The following EVA1A variants were observed in gnomAD, a reference collection of about 807,000 sequenced individuals.
EVA1A encodes the protein protein eva-1 homolog A.
A neutral mutation model predicts 9.8 loss-of-function variants in EVA1A; 7 were observed. The ratio of observed to expected loss-of-function variants is 0.71; its 90% confidence interval spans 0.41 to 1.34. EVA1A has a LOEUF of 1.34. Ranked by LOEUF, EVA1A falls within the 40% of genes most tolerant of loss-of-function variation. The pLI is 0.01. For missense variants in EVA1A, 206 were observed against 205.9 expected, an observed-to-expected ratio of 1.00 and a Z score of 0.00; for synonymous variants, 90 against 85.6, an observed-to-expected ratio of 1.05 and a Z score of -0.28.
At chr2:75,552,125 T>A (rs1676545978) in intron 1 of EVA1A, among the ~76,000 whole-genome samples, 1 of 151,938 alleles carries the variant, frequency 6.6e-6, no homozygotes, top group Non-Finnish European at 1.5e-5. Flanking sequence ...AGTTCAAGAC[T>A]GCAGTGAGCT....
intron 1 of EVA1A, among the ~76,000 whole-genome samples, chr2:75,539,133 T>C (rs1676022982): frequency 6.6e-6 from 1 of 152,212 alleles, no homozygotes; most frequent in Admixed American, 6.5e-5. Context: ...AATCTGCACA[T>C]TAAATCTTGA....
At chr2:75,523,362 T>C (rs568951494) in intron 1 of EVA1A, among the ~76,000 whole-genome samples, 4 of 152,288 alleles carry the variant, frequency 2.6e-5, no homozygotes, top group South Asian at 2.1e-4. Flanking sequence ...TTGAGGCCCA[T>C]TGACCTTCCA....
chr2:75,549,549 G>T (rs959469430), intron 1 of EVA1A, among the ~76,000 whole-genome samples: 1 of 152,184 alleles, frequency 6.6e-6, no homozygotes, highest in Non-Finnish European at 1.5e-5. Flanking sequence ...AGGAGAGTGG[G>T]GAGGGGTCCG....
At chr2:75,506,384 C>T (rs1192990244) in intron 3 of EVA1A, among the ~76,000 whole-genome samples, 2 of 152,328 alleles carry the variant, frequency 1.3e-5, no homozygotes, top group East Asian at 3.9e-4. Flanking sequence ...TTGCTATCAT[C>T]TGTGTACAAA....
rs554051708 is a variant in EVA1A at position 75,530,635 on chromosome 2, G to T, written c.-191-8148C>A. Among the ~76,000 whole-genome samples, 11 of 152,138 alleles carry T rather than the reference G, an allele frequency of 7.2e-5. No homozygotes were observed. In the South Asian group the frequency reaches 1.2e-3, roughly 17 times the overall value. On this transcript the variant is annotated intron_variant, in intron 1 of 3. Transcript: ENST00000393913. ...ATAAATGTGATACACCACATAAACA[G>T]AATTAAAAACAGAAATTATATGATC...
rs368017377 is a variant in EVA1A, at chr2:75,555,232, C to T, written c.-192+5448G>A. Among the ~76,000 whole-genome samples, 72 of 151,264 alleles carry T rather than the reference C, an allele frequency of 4.8e-4. 1 individual carries two copies. The highest frequency in any genetic ancestry group is 1.6e-3 in the African/African-American group (67 of 41,138). On this transcript the variant is annotated intron_variant, in intron 1 of 3. Transcript: ENST00000393913. ...GCAATTCCCAGGAAATGTGTGAATC[C>T]TAATAGCTGTTGACCTGCTGGATCA...
At chr2:75,500,795 C>T (rs1674389044) in intron 3 of EVA1A, among the ~76,000 whole-genome samples, 1 of 150,826 alleles carries the variant, frequency 6.6e-6, no homozygotes, top group Non-Finnish European at 1.5e-5. Context: ...GTCATTATGC[C>T]CAATGCCCAG....
At chr2:75,555,525 C>G (rs1392488723) in intron 1 of EVA1A, among the ~76,000 whole-genome samples, 1 of 152,080 alleles carries the variant, frequency 6.6e-6, no homozygotes, top group Non-Finnish European at 1.5e-5. Flanking sequence ...CCACAACCTC[C>G]CAGCTCAGCT....
At chr2:75,561,836 G>C (rs978332780), upstream of EVA1A, among the ~76,000 whole-genome samples, 1 of 152,194 alleles carries the variant, frequency 6.6e-6, no homozygotes, top group Non-Finnish European at 1.5e-5. Context: ...GGAAAGGAGA[G>C]GAGCTCCTAG....
chr2:75,544,976 T>G (rs74386699), intron 1 of EVA1A, among the ~76,000 whole-genome samples: 5,975 of 152,312 alleles, frequency 0.039, 335 homozygotes, highest in African/African-American at 0.13. Flanking sequence ...ACAGTGTTCA[T>G]CCCAAACCCT....
chr2:75,519,445 T>C (rs995715065), intron 2 of EVA1A, among the ~76,000 whole-genome samples: 1 of 152,084 alleles, frequency 6.6e-6, no homozygotes, highest in African/African-American at 2.4e-5. Flanking sequence ...TTCAGCAGGC[T>C]TCAGGAAAGA....
At chr2:75,566,411 G>C (rs545314997) in intron 1 of EVA1A, among the ~76,000 whole-genome samples, 13 of 152,230 alleles carry the variant, frequency 8.5e-5, no homozygotes, top group Admixed American at 1.3e-4. Context: ...AATATGAGAG[G>C]ATGCCAGGAG....
At chr2:75,547,270 C>T (rs1324576662) in intron 1 of EVA1A, among the ~76,000 whole-genome samples, 1 of 152,136 alleles carries the variant, frequency 6.6e-6, no homozygotes, top group Non-Finnish European at 1.5e-5. Context: ...GAGCTTCATG[C>T]CACCCACCGG....
rs763563932 is a variant in EVA1A at position 75,554,571 on chromosome 2, T to C, written c.-192+6109A>G. On this transcript the variant is annotated intron_variant, in intron 1 of 3. Transcript: ENST00000393913. ...GATGATAACAGCTCTCTGGAGACTA[T>C]CTGGAGCGGGATAAAGGGCTCAGAG... Among the ~76,000 whole-genome samples the C allele has an allele frequency of 1.1e-4, 17 of 152,354 alleles. No individual in the cohort carries two copies. The East Asian group carries it at 3.1e-3, about 28-fold the overall frequency.
chr2:75,495,387 G>A (rs143500349), intron 3 of EVA1A, among the ~76,000 whole-genome samples: 49 of 152,274 alleles, frequency 3.2e-4, no homozygotes, highest in African/African-American at 1.1e-3. Flanking sequence ...ATGCTAGGAC[G>A]ATTAGGTAAA....
chr2:75,559,991 C>G lies in EVA1A; in HGVS notation c.-192+689G>C, dbSNP rs1412303431. ...TCTCCTTCCAGGACATCCTCATTTC[C>G]TCCATGTCCCAACGCGCTCCGTACT... On this transcript the variant is annotated intron_variant, in intron 1 of 3. Transcript: ENST00000393913. Among the ~76,000 whole-genome samples the G allele has an allele frequency of 3.9e-5, 6 of 152,296 alleles. No individual in the cohort carries two copies. The East Asian group carries it at 1.2e-3, about 29-fold the overall frequency.
intron 1 of EVA1A, among the ~76,000 whole-genome samples, chr2:75,553,702 T>C (rs1676604565): frequency 6.6e-6 from 1 of 152,228 alleles, no homozygotes; most frequent in Non-Finnish European, 1.5e-5. Context: ...AGTCATTGTC[T>C]TCTGAAGTTC....
intron 1 of EVA1A, among the ~76,000 whole-genome samples, chr2:75,530,686 T>C (rs1675615454): frequency 6.6e-6 from 1 of 152,102 alleles, no homozygotes; most frequent in Admixed American, 6.5e-5. Flanking sequence ...GAAAAAAAAT[T>C]TGACAAAATC....
chr2:75,520,802 T>C (rs1675204656), intron 2 of EVA1A, among the ~76,000 whole-genome samples: 2 of 151,948 alleles, frequency 1.3e-5, no homozygotes, highest in Middle Eastern at 3.2e-3. Flanking sequence ...ATTTCTTGGA[T>C]ATGACACCAA....
Sources: gnomAD v4.1 joint callset for allele counts (sites outside exome capture counted in the v4.1 genomes callset) on GRCh38, gnomAD v4.1.1 for gene constraint, MANE v1.5 for transcripts, NCBI Gene and HGNC (gene_info 2026-07-23, HGNC 2026-07-21) for gene names.